MRPL37: variants seen among roughly 807,000 people sequenced by gnomAD.
MRPL37 encodes mitochondrial ribosomal protein L37, also known as large ribosomal subunit protein mL37.
In MRPL37, 34 loss-of-function variants were observed where a neutral mutation model predicts 44.1. That is an observed-to-expected ratio of 0.77 (90% CI 0.59 to 1.03). MRPL37 has a LOEUF of 1.03. Among genes scored for constraint, MRPL37 ranks in the 50% least tolerant of loss-of-function variants. The pLI, the probability that MRPL37 is intolerant of heterozygous loss-of-function variation, is 0.00. For missense variants in MRPL37, 532 were observed against 543.7 expected (o/e 0.98, Z 0.21); for synonymous variants, 212 against 219.5 (o/e 0.97, Z 0.30).
downstream of MRPL37, among the ~76,000 whole-genome samples, chr1:54,219,394 A>C (rs904578125): frequency 1.3e-5 from 2 of 152,176 alleles, no homozygotes; most frequent in African/African-American, 4.8e-5. Flanking sequence ...GGCTCTTTCC[A>C]CTTGAAAGCT....
downstream of MRPL37, chr1:54,220,655 C>T (rs748670468): frequency 1.1e-5 from 5 of 471,758 alleles, no homozygotes; most frequent in Admixed American, 4.7e-5. Context: ...CCAGCTTCGT[C>T]CTCACTCCCT....
At chr1:54,208,184 C>A (rs565455105) in intron 3 of MRPL37, among the ~76,000 whole-genome samples, 1 of 152,302 alleles carries the variant, frequency 6.6e-6, no homozygotes, top group Admixed American at 6.5e-5. Context: ...GGCTGTTTGA[C>A]TGGCTAGGGT....
chr1:54,205,488 T>C, intron 3 of MRPL37, 78 bp downstream of exon 3: 1 of 1,190,566 alleles, frequency 8.4e-7, no homozygotes, highest in African/African-American at 1.5e-5. Context: ...CCAGCTCCCA[T>C]CCCCCTGCCC....
chr1:54,220,394 G>A (rs1350887215), downstream of MRPL37, among the ~76,000 whole-genome samples: 1 of 152,196 alleles, frequency 6.6e-6, no homozygotes, highest in Non-Finnish European at 1.5e-5. Flanking sequence ...AGGGCAGCTC[G>A]GATGCTGGCC....
At chr1:54,215,661 G>A (rs1011526884) in intron 5 of MRPL37, among the ~76,000 whole-genome samples, 12 of 152,126 alleles carry the variant, frequency 7.9e-5, no homozygotes, top group Admixed American at 3.9e-4. Flanking sequence ...CGTGACTTCC[G>A]GCAAGTCACT....
At position 54,209,144 on chromosome 1, in the gene MRPL37, G is replaced by A. The variant is rs552331338; in HGVS notation, c.647-802G>A. 1.7e-3 allele frequency among the ~76,000 whole-genome samples: 259 copies of A among 152,288 alleles called. 1 individual carries two copies. Among genetic ancestry groups the A allele is most frequent in the Non-Finnish European group, 2.7e-3 (182 of 68,034 alleles). On this transcript the variant is annotated intron_variant, in intron 3 of 6. Transcript: ENST00000360840. ...CTTTTCACTGTAGCACTCACTACCTGGTGGGCTCCTTGAGAGGAGAGAGTA... is the reference window on the plus strand; with the variant it reads ...CTTTTCACTGTAGCACTCACTACCTAGTGGGCTCCTTGAGAGGAGAGAGTA...
chr1:54,205,474 AC>A, intron 3 of MRPL37, 64 bp downstream of exon 3: 1 of 1,332,078 alleles, frequency 7.5e-7, no homozygotes, highest in Non-Finnish European at 1.1e-6. Context: ...TCTTAACCCC[AC>A]CACCAGCTCC....
chr1:54,219,986 G>A (rs1369560480), downstream of MRPL37, among the ~76,000 whole-genome samples: 2 of 152,132 alleles, frequency 1.3e-5, no homozygotes, highest in African/African-American at 4.8e-5. Context: ...GAGCACCCTC[G>A]TTCATGTATC....
At chr1:54,216,073 C>T (rs1198110744) in intron 5 of MRPL37, 68 bp from the exon 6 acceptor site, 12 of 1,536,936 alleles carry the variant, frequency 7.8e-6, no homozygotes, top group Admixed American at 1.7e-5. Flanking sequence ...CTAGAAGCTG[C>T]CTGGGCCGTG....
At chr1:54,214,661 A>G (rs935664923) in intron 5 of MRPL37, among the ~76,000 whole-genome samples, 2 of 152,216 alleles carry the variant, frequency 1.3e-5, no homozygotes, top group Non-Finnish European at 2.9e-5. Flanking sequence ...GAGTCTGGGT[A>G]GCAACGATAC....
Position 54,216,196 on chromosome 1 carries a change from G to T in MRPL37, c.1046G>T (p.Gly349Val). 1 of 1,614,228 alleles carries T rather than the reference G, an allele frequency of 6.2e-7. No individual in the cohort carries two copies. The change falls in exon 6 of 7, where the codon GGA (glycine) becomes GTA (valine). Residue 349 changes from glycine (G) to valine (V), a missense_variant. Gly to Val is a moderately radical substitution (Grantham distance 109). Coordinates refer to ENST00000360840, the MANE Select transcript of MRPL37 (RefSeq NM_016491.4). ...PVVVQSVGTDGRVFHFLVFQL... is the reference protein window; with the variant it reads ...PVVVQSVGTDVRVFHFLVFQL... The stretch of plus-strand genomic sequence containing the variant: ...GTGGTGCAGAGCGTGGGCACGGATG[G>T]ACGTGTCTTCCATTTCCTAGTGTTT...
At chr1:54,206,227 C>G (rs1202636456) in intron 3 of MRPL37, among the ~76,000 whole-genome samples, 1 of 151,882 alleles carries the variant, frequency 6.6e-6, no homozygotes, top group African/African-American at 2.4e-5. Flanking sequence ...ATTCTTCTGC[C>G]TCAGCCTCCC....
rs1644068392 is a variant in MRPL37 at position 54,200,317 on chromosome 1, C to T, written c.74C>T (p.Ala25Val). 1 of 1,613,248 alleles carries T rather than the reference C, an allele frequency of 6.2e-7. No homozygotes were observed. The highest frequency in any genetic ancestry group is 8.5e-7 in the Non-Finnish European group (1 of 1,179,768). Reference sequence around the variant, plus strand: ...CAGCTCGGCCTTGGGGGCTTCGGGGCCCCGAGACGCGGGGCGTATGAGTGG... The same window carrying T: ...CAGCTCGGCCTTGGGGGCTTCGGGGTCCCGAGACGCGGGGCGTATGAGTGG... ...SGQLGLGGFG[A>V]PRRGAYEWGV... Residue 25 changes from alanine (A) to valine (V), a missense_variant, in exon 1 of 7, where the codon GCC (alanine) becomes GTC (valine). Physicochemically the swap from Ala to Val is moderately conservative, Grantham distance 64 (BLOSUM62 0). Transcript: ENST00000360840.
At chr1:54,219,621 A>AGAC (rs1403981322), downstream of MRPL37, among the ~76,000 whole-genome samples, 1 of 152,206 alleles carries the variant, frequency 6.6e-6, no homozygotes, top group African/African-American at 2.4e-5. Flanking sequence ...TTTATTTTAC[A>AGAC]GACAGGAAAC....
chr1:54,220,881 G>T (rs1377072197), downstream of MRPL37: 1 of 452,580 alleles, frequency 2.2e-6, no homozygotes, highest in Non-Finnish European at 4.7e-6. Context: ...CATTGTGAAC[G>T]TATTTCTCAC....
At chr1:54,201,535 A>C (rs1048070717) in intron 1 of MRPL37, among the ~76,000 whole-genome samples, 1 of 152,232 alleles carries the variant, frequency 6.6e-6, no homozygotes, top group Non-Finnish European at 1.5e-5. Flanking sequence ...TTAAGATTAC[A>C]TTCGTTTGCC....
At position 54,218,336 on chromosome 1, in the gene MRPL37, T is replaced by C; in HGVS notation, c.*87T>C. The C allele has an allele frequency of 6.2e-7, 1 of 1,602,318 alleles. No individual in the cohort carries two copies. The highest frequency in any genetic ancestry group is 8.5e-7 in the Non-Finnish European group (1 of 1,175,646). ...GCCCCGTGGAGCCTCAGTGCCCGTT[T>C]GGCCTGCTGCTCTCGCTGACAATAA... On this transcript the variant is annotated 3_prime_UTR_variant, in exon 7 of 7. Coordinates refer to ENST00000360840, the MANE Select transcript of MRPL37 (RefSeq NM_016491.4).
downstream of MRPL37, among the ~76,000 whole-genome samples, chr1:54,224,113 C>T (rs1185906003): frequency 2.0e-5 from 3 of 152,242 alleles, no homozygotes; most frequent in Admixed American, 1.3e-4. Context: ...CTCCAAGGAG[C>T]ACAGGTATCG....
At chr1:54,222,543 C>G (rs1362302001), downstream of MRPL37, among the ~76,000 whole-genome samples, 2 of 152,126 alleles carry the variant, frequency 1.3e-5, no homozygotes, top group African/African-American at 4.8e-5. Flanking sequence ...AAGCCCTCTC[C>G]TCTCTGCACC....
Sources: allele counts gnomAD v4.1 joint callset (sites outside exome capture counted in the v4.1 genomes callset), GRCh38; gene constraint gnomAD v4.1.1; transcripts MANE v1.5; gene names NCBI Gene and HGNC (gene_info 2026-07-23, HGNC 2026-07-21).